The following CNTN5 variants were observed in gnomAD, a reference collection of about 807,000 sequenced individuals.
The protein encoded by CNTN5 is contactin-5.
A neutral mutation model predicts 129.1 loss-of-function variants in CNTN5; 77 were observed. That is an observed-to-expected ratio of 0.60 (90% CI 0.50 to 0.72). The LOEUF (loss-of-function observed/expected upper bound fraction) is 0.72, where lower values mean the gene tolerates loss of function less well. Among genes scored for constraint, CNTN5 ranks in the 30% least tolerant of loss-of-function variants. The probability of loss-of-function intolerance (pLI) is 0.00; values close to 1 mark genes in which losing one functional copy is unlikely to be tolerated. For missense variants in CNTN5, 1,478 were observed against 1,328.8 expected, an observed-to-expected ratio of 1.11 and a Z score of -1.75; for synonymous variants, 509 against 465.6, an observed-to-expected ratio of 1.09 and a Z score of -1.20.
intron 3 of CNTN5, among the ~76,000 whole-genome samples, chr11:99,722,807 A>C (rs2063536): frequency 0.15 from 22,433 of 151,626 alleles, 1,857 homozygotes; most frequent in African/African-American, 0.2. Flanking sequence ...GATATAGCCC[A>C]TATGGGTTAT....
At chr11:100,070,856 T>G (rs1267787040) in intron 11 of CNTN5, among the ~76,000 whole-genome samples, 1 of 152,168 alleles carries the variant, frequency 6.6e-6, no homozygotes, top group Non-Finnish European at 1.5e-5. Flanking sequence ...TTCTTTAAAC[T>G]GTTTTCAATC....
chr11:99,257,847 T>C (rs868218087), intron 1 of CNTN5, among the ~76,000 whole-genome samples: 1 of 152,096 alleles, frequency 6.6e-6, no homozygotes, highest in Non-Finnish European at 1.5e-5. Flanking sequence ...TTCTGTATTG[T>C]TCTAATGTTT....
intron 1 of CNTN5, among the ~76,000 whole-genome samples, chr11:99,027,575 T>C (rs1281623256): frequency 6.6e-6 from 1 of 151,698 alleles, no homozygotes; most frequent in African/African-American, 2.4e-5. Flanking sequence ...TAATCGTCAT[T>C]GTATCTGAAC....
At chr11:100,355,832 A>G (rs1952510332) in intron 24 of CNTN5, among the ~76,000 whole-genome samples, 1 of 151,724 alleles carries the variant, frequency 6.6e-6, no homozygotes, top group South Asian at 2.1e-4. Context: ...TATTTTTTAT[A>G]TCTGAATTTG....
intron 3 of CNTN5, among the ~76,000 whole-genome samples, chr11:99,672,487 GCTTA>G (rs1334588171): frequency 6.6e-6 from 1 of 151,680 alleles, no homozygotes; most frequent in East Asian, 1.9e-4. Flanking sequence ...TGGCTGCAAG[GCTTA>G]CTTCTCTGAT....
rs369462776 is a variant in CNTN5, at chr11:99,996,969, G to C, written c.878-5065G>C. On this transcript the variant is annotated intron_variant, in intron 8 of 24. Coordinates refer to ENST00000524871, the MANE Select transcript of CNTN5 (RefSeq NM_014361.4). The stretch of plus-strand genomic sequence containing the variant: ...CCATTTCAGATGAGATTTTGGTGGG[G>C]ACACAGAGCCAAACCATATCATTCT... Among the ~76,000 whole-genome samples the C allele has an allele frequency of 6.4e-4, 97 of 152,154 alleles. No individual in the cohort carries two copies. In the Middle Eastern group the frequency reaches 0.014, roughly 21 times the overall value.
chr11:99,200,074 T>C (rs1859097419), intron 1 of CNTN5, among the ~76,000 whole-genome samples: 2 of 152,208 alleles, frequency 1.3e-5, no homozygotes, highest in Non-Finnish European at 2.9e-5. Context: ...TAAATTTGTT[T>C]AGTCTGCTGT....
chr11:99,350,157 T>G (rs1281292111), intron 2 of CNTN5, among the ~76,000 whole-genome samples: 1 of 152,196 alleles, frequency 6.6e-6, no homozygotes, highest in Non-Finnish European at 1.5e-5. Context: ...CTACAATGTA[T>G]TTTAGCCTAG....
At chr11:99,468,778 A>G (rs2135266061) in intron 2 of CNTN5, among the ~76,000 whole-genome samples, 1 of 146,398 alleles carries the variant, frequency 6.8e-6, no homozygotes, top group African/African-American at 2.5e-5. Flanking sequence ...CTTGTTGCCC[A>G]GGCTGGAGTG....
chr11:99,808,473 C>A (rs1014810841), intron 3 of CNTN5, among the ~76,000 whole-genome samples: 3 of 152,242 alleles, frequency 2.0e-5, no homozygotes, highest in African/African-American at 4.8e-5. Flanking sequence ...CTTTTGATAT[C>A]TTTTCTTTGA....
At chr11:99,407,309 C>G (rs912816978) in intron 2 of CNTN5, among the ~76,000 whole-genome samples, 2 of 152,056 alleles carry the variant, frequency 1.3e-5, no homozygotes, top group Admixed American at 1.3e-4. Context: ...TTCAAATCAG[C>G]GGGTTCCCTT....
chr11:99,612,652 G>C (rs73540805), intron 3 of CNTN5, among the ~76,000 whole-genome samples: 2 of 152,258 alleles, frequency 1.3e-5, no homozygotes, highest in South Asian at 2.1e-4. Context: ...AAATTGAAAG[G>C]TTCTCTAGTT....
At chr11:100,345,621 C>A (rs574914926) in intron 23 of CNTN5, among the ~76,000 whole-genome samples, 1 of 150,622 alleles carries the variant, frequency 6.6e-6, no homozygotes, top group Admixed American at 6.6e-5. Context: ...CTTGTCAGGG[C>A]CTTCAAAGTG....
chr11:99,911,627 C>T (rs1177795499), intron 6 of CNTN5, among the ~76,000 whole-genome samples: 2 of 151,680 alleles, frequency 1.3e-5, no homozygotes, highest in African/African-American at 4.8e-5. Flanking sequence ...TATTTCCCTC[C>T]AACACTTTAA....
rs1951404086 is a variant in CNTN5 at position 100,308,419 on chromosome 11, T to C, written c.2681T>C (p.Val894Ala). 2 of 1,611,050 alleles carry C rather than the reference T, an allele frequency of 1.2e-6. No homozygotes were observed. The highest frequency in any genetic ancestry group is 1.7e-6 in the Non-Finnish European group (2 of 1,177,944). Reference protein sequence around the residue: ...ATSVSVSEILVAWKHIKESLG... With the variant: ...ATSVSVSEILAAWKHIKESLG... The stretch of plus-strand genomic sequence containing the variant: ...AGTGTGTCTGTGTCAGAGATTCTTG[T>C]TGCATGGAAACACATTAAAGAGAGT... Residue 894 changes from valine to alanine, a missense_variant, in exon 21 of 25, where the codon GTT (valine) becomes GCT (alanine). Coordinates refer to ENST00000524871, the MANE Select transcript of CNTN5 (RefSeq NM_014361.4).
intron 3 of CNTN5, among the ~76,000 whole-genome samples, chr11:99,737,811 A>C (rs1943759931): frequency 6.6e-6 from 1 of 152,164 alleles, no homozygotes; most frequent in Non-Finnish European, 1.5e-5. Flanking sequence ...TCAGGATAGA[A>C]CGAGTACAGT....
chr11:99,350,466 C>CT (rs1438044998), intron 2 of CNTN5, among the ~76,000 whole-genome samples: 1 of 151,956 alleles, frequency 6.6e-6, no homozygotes, highest in Non-Finnish European at 1.5e-5. Context: ...GGTATTTACC[C>CT]AAGAATTATA....
chr11:99,357,073 A>C (rs1001703929), intron 2 of CNTN5, among the ~76,000 whole-genome samples: 1 of 152,218 alleles, frequency 6.6e-6, no homozygotes, highest in African/African-American at 2.4e-5. Context: ...TTAATAACCC[A>C]GTAAGGTACA....
chr11:99,412,075 T>C (rs1455412459), intron 2 of CNTN5, among the ~76,000 whole-genome samples: 1 of 152,208 alleles, frequency 6.6e-6, no homozygotes, highest in African/African-American at 2.4e-5. Flanking sequence ...TATTCAAAAT[T>C]ATCTCAAATT....
Sources: gnomAD v4.1 joint callset for allele counts (sites outside exome capture counted in the v4.1 genomes callset) on GRCh38, gnomAD v4.1.1 for gene constraint, MANE v1.5 for transcripts, NCBI Gene and HGNC (gene_info 2026-07-23, HGNC 2026-07-21) for gene names.